Variants in VGLL4 observed in about 807,000 individuals in gnomAD.
The protein encoded by VGLL4 is transcription cofactor vestigial-like protein 4.
VGLL4 carries 7 observed loss-of-function variants against 21.0 expected under a neutral mutation model. The ratio of observed to expected loss-of-function variants is 0.33; its 90% confidence interval spans 0.19 to 0.63. The LOEUF is 0.63. Ranked by LOEUF, VGLL4 falls within the 20% of genes least tolerant of loss-of-function variation. The probability of loss-of-function intolerance (pLI) is 0.78; values close to 1 mark genes in which losing one functional copy is unlikely to be tolerated. For synonymous variants in VGLL4, 222 were observed against 173.2 expected (o/e 1.28, Z -2.21); for missense variants, 394 against 425.7 (o/e 0.93, Z 0.66).
At chr3:11,695,458 T>C (rs1295078257) in intron 2 of VGLL4, among the ~76,000 whole-genome samples, 3 of 152,098 alleles carry the variant, frequency 2.0e-5, no homozygotes, top group African/African-American at 4.8e-5. Flanking sequence ...TATATATACA[T>C]ACCTATGTGT....
intron 2 of VGLL4, chr3:11,692,944 G>A (rs1167679703): frequency 6.5e-6 from 1 of 154,098 alleles, no homozygotes; most frequent in Non-Finnish European, 1.4e-5. Context: ...TGAGACAGCG[G>A]AGTTGCTTGA....
chr3:11,584,499 T>C (rs1316091939), intron 2 of VGLL4, among the ~76,000 whole-genome samples: 3 of 151,806 alleles, frequency 2.0e-5, no homozygotes, highest in East Asian at 1.9e-4. Flanking sequence ...GTAAACCATA[T>C]AGAGTGAAGC....
intron 1 of VGLL4, among the ~76,000 whole-genome samples, chr3:11,704,353 A>C (rs2076727233): frequency 1.4e-5 from 2 of 141,688 alleles, no homozygotes; most frequent in African/African-American, 5.1e-5. Flanking sequence ...ATTGCACTCC[A>C]GCCTGGGCAA....
chr3:11,699,268 A>G (rs1163843949), intron 2 of VGLL4, among the ~76,000 whole-genome samples: 3 of 152,248 alleles, frequency 2.0e-5, no homozygotes, highest in Non-Finnish European at 2.9e-5. Flanking sequence ...ATAATAATAC[A>G]TAACTAATGA....
intron 2 of VGLL4, among the ~76,000 whole-genome samples, chr3:11,570,879 T>C (rs1369411306): frequency 6.6e-6 from 1 of 152,042 alleles, no homozygotes; most frequent in Non-Finnish European, 1.5e-5. Context: ...GTGGCTTCTC[T>C]CCCCTTGTGA....
At chr3:11,617,056 TAAAA>T (rs764423344) in intron 1 of VGLL4, among the ~76,000 whole-genome samples, 1 of 151,812 alleles carries the variant, frequency 6.6e-6, no homozygotes, top group African/African-American at 2.4e-5. Context: ...TAATTTGAAA[TAAAA>T]AATAAAAAGA....
intron 2 of VGLL4, among the ~76,000 whole-genome samples, chr3:11,678,674 C>T (rs372352102): frequency 1.3e-5 from 2 of 152,240 alleles, no homozygotes; most frequent in East Asian, 3.9e-4. Flanking sequence ...GCCTGGGCAA[C>T]AGAGTGAGAC....
At chr3:11,595,392 T>A (rs1247023995) in intron 2 of VGLL4, among the ~76,000 whole-genome samples, 1 of 152,208 alleles carries the variant, frequency 6.6e-6, no homozygotes, top group Non-Finnish European at 1.5e-5. Flanking sequence ...TTGGTGGGAC[T>A]GTAAACTAGT....
intron 1 of VGLL4, among the ~76,000 whole-genome samples, chr3:11,617,483 A>G (rs2075184204): frequency 6.6e-6 from 1 of 152,204 alleles, no homozygotes; most frequent in African/African-American, 2.4e-5. Flanking sequence ...ATGGGTGCAC[A>G]CACCTGAGTC....
In VGLL4 at chr3:11,609,530, A is replaced by G. The variant is rs191582823; in HGVS notation, c.83-7508T>C. ...GTTGTAGCCAGCTGAAACCTGGACA[A>G]ATAGAATCTGGTTCACCAAATGCAG... On this transcript the variant is annotated intron_variant, in intron 1 of 4. Coordinates refer to ENST00000430365, the MANE Select transcript of VGLL4 (RefSeq NM_001128219.3). 1.0e-3 allele frequency among the ~76,000 whole-genome samples: 160 copies of G among 152,388 alleles called. 1 individual carries two copies. The highest frequency in any genetic ancestry group is 0.01 in the Middle Eastern group (3 of 294).
chr3:11,700,253 C>T (rs1428800479), intron 2 of VGLL4, among the ~76,000 whole-genome samples: 8 of 152,184 alleles, frequency 5.3e-5, no homozygotes, highest in Non-Finnish European at 8.8e-5. Context: ...TTACTCTCCC[C>T]ACTTAAAGAC....
At chr3:11,707,572 G>C (rs943035233) in intron 1 of VGLL4, among the ~76,000 whole-genome samples, 4 of 152,036 alleles carry the variant, frequency 2.6e-5, no homozygotes, top group Admixed American at 2.0e-4. Context: ...TCTTCCAGGT[G>C]GGTGTGGTGG....
chr3:11,692,079 T>C (rs1265734249), intron 2 of VGLL4, among the ~76,000 whole-genome samples: 1 of 152,170 alleles, frequency 6.6e-6, no homozygotes, highest in Admixed American at 6.5e-5. Context: ...CACAACACTT[T>C]TATGTGTATT....
At chr3:11,701,195 G>T (rs555882394) in intron 2 of VGLL4, among the ~76,000 whole-genome samples, 3 of 152,094 alleles carry the variant, frequency 2.0e-5, no homozygotes, top group African/African-American at 7.2e-5. Flanking sequence ...TGAATGGCAC[G>T]GTGATGAGTG....
At chr3:11,711,946 T>G (rs1055744455) in intron 1 of VGLL4, among the ~76,000 whole-genome samples, 1 of 151,920 alleles carries the variant, frequency 6.6e-6, no homozygotes, top group African/African-American at 2.4e-5. Flanking sequence ...GCAAGCACAG[T>G]TTCACGGTTT....
intron 2 of VGLL4, chr3:11,671,273 C>T: frequency 1.3e-6 from 2 of 1,597,664 alleles, no homozygotes; most frequent in Non-Finnish European, 1.7e-6. Flanking sequence ...ATGGTGCAGA[C>T]CTGGATGTCT....
chr3:11,559,372 A>G lies in VGLL4; in HGVS notation c.579T>C (p.Cys193=), dbSNP rs75243477. The change falls in exon 4 of 5, where the codon TGT becomes TGC. Residue 193 remains cysteine, a synonymous_variant. Transcript: ENST00000430365. ...GGTAGCTGGCAGGCCCGGGCGCGGC[A>G]CAGCCGCTGTGCGCGATGGGGCAGT... is the stretch of plus-strand genomic sequence containing the variant. The part of the protein sequence containing the change: ...LSHCPIAHSG[C]AAPGPASYRR... 1 of 1,553,140 alleles carries G rather than the reference A, an allele frequency of 6.4e-7. No individual in the cohort carries two copies. Among genetic ancestry groups the G allele is most frequent in the Non-Finnish European group, 8.7e-7 (1 of 1,148,754 alleles).
intron 2 of VGLL4, among the ~76,000 whole-genome samples, chr3:11,586,753 C>T (rs575104000): frequency 6.6e-6 from 1 of 152,284 alleles, no homozygotes; most frequent in African/African-American, 2.4e-5. Context: ...CAAGGATATC[C>T]AGGGACGGCT....
chr3:11,644,842 T>A, upstream of VGLL4, among the ~76,000 whole-genome samples: 1 of 112,448 alleles, frequency 8.9e-6, no homozygotes, highest in Non-Finnish European at 1.7e-5. Context: ...TGAGACTTTG[T>A]CTCAAAAAAA....
Sources: gnomAD v4.1 joint callset for allele counts (sites outside exome capture counted in the v4.1 genomes callset) on GRCh38, gnomAD v4.1.1 for gene constraint, MANE v1.5 for transcripts, NCBI Gene and HGNC (gene_info 2026-07-23, HGNC 2026-07-21) for gene names.